GRID1: variants seen among roughly 807,000 people sequenced by gnomAD.
The protein encoded by GRID1 is glutamate receptor ionotropic, delta-1.
Under a neutral mutation model 98.0 loss-of-function variants are expected in GRID1, and 28 were observed. The ratio of observed to expected loss-of-function variants is 0.29; its 90% CI spans 0.21 to 0.39. GRID1 has a LOEUF of 0.39. Ranked by LOEUF, GRID1 falls within the 10% of genes least tolerant of loss-of-function variation. GRID1 has a pLI of 1.00. For missense variants in GRID1, 1,111 were observed against 1,340.5 expected, an observed-to-expected ratio of 0.83 and a Z score of 2.67; for synonymous variants, 553 against 538.5, an observed-to-expected ratio of 1.03 and a Z score of -0.37.
At chr10:85,756,590 G>C (rs1842100914) in intron 8 of GRID1, among the ~76,000 whole-genome samples, 2 of 152,208 alleles carry the variant, frequency 1.3e-5, no homozygotes, top group African/African-American at 4.8e-5. Context: ...TCCTAGGTAG[G>C]ATGGAGCCAG....
intron 13 of GRID1, among the ~76,000 whole-genome samples, chr10:85,641,537 T>C (rs1466421566): frequency 1.3e-5 from 2 of 152,190 alleles, no homozygotes; most frequent in Non-Finnish European, 2.9e-5. Context: ...TACCACCCCA[T>C]GGGAAGAGGC....
chr10:86,363,971 C>T lies in GRID1; in HGVS notation c.205G>A (p.Ala69Thr). 6.2e-7 allele frequency: 1 copy of T among 1,614,116 alleles called. No homozygotes were observed. The highest frequency in any genetic ancestry group is 8.5e-7 in the Non-Finnish European group (1 of 1,179,954). The change falls in exon 2 of 16, where the codon GCC becomes ACC. Residue 69 changes from alanine (A) to threonine (T), a missense_variant. By Grantham distance (58) the Ala-to-Thr change is moderately conservative. Coordinates refer to ENST00000327946, the MANE Select transcript of GRID1 (RefSeq NM_017551.3). ...KITYSIKVIEANNPFQAVQEA... is the reference protein window; with the variant it reads ...KITYSIKVIETNNPFQAVQEA... ...TGCACAGCCTGGAATGGGTTGTTGG[C>T]CTCGATGACCTTGATGGAGTAGGTG...
chr10:85,907,876 T>C (rs1250463543), intron 5 of GRID1, among the ~76,000 whole-genome samples: 5 of 152,198 alleles, frequency 3.3e-5, no homozygotes. Context: ...TGCTGTAATG[T>C]TAGAAAATCA....
chr10:85,734,345 C>A (rs148873993), intron 8 of GRID1, among the ~76,000 whole-genome samples: 3 of 152,094 alleles, frequency 2.0e-5, no homozygotes, highest in Admixed American at 6.6e-5. Context: ...AGCTTCAAAT[C>A]ATTTTAGTTA....
At chr10:86,006,865 A>C (rs1435319004) in intron 4 of GRID1, among the ~76,000 whole-genome samples, 1 of 151,616 alleles carries the variant, frequency 6.6e-6, no homozygotes, top group Admixed American at 6.6e-5. Flanking sequence ...ACTATGAACA[A>C]GAACAGACTG....
chr10:86,050,209 A>G (rs1208782121), intron 4 of GRID1, among the ~76,000 whole-genome samples: 1 of 152,256 alleles, frequency 6.6e-6, no homozygotes, highest in African/African-American at 2.4e-5. Context: ...TGTTTCTAAC[A>G]TTTAGCCACT....
At chr10:85,773,611 G>A (rs1356382985) in intron 8 of GRID1, among the ~76,000 whole-genome samples, 1 of 152,158 alleles carries the variant, frequency 6.6e-6, no homozygotes, top group Non-Finnish European at 1.5e-5. Flanking sequence ...AAGCTGATAA[G>A]CAACTTCAGC....
intron 5 of GRID1, among the ~76,000 whole-genome samples, chr10:85,907,793 A>G (rs1184137035): frequency 6.6e-6 from 1 of 152,210 alleles, no homozygotes; most frequent in African/African-American, 2.4e-5. Context: ...TGAATCAAAT[A>G]TAATCAAATA....
At position 86,206,655 on chromosome 10, in the gene GRID1, A is replaced by G; in HGVS notation, c.236-7T>C. ...TGGGTCATGAGGTCACAGGCTAGAAAGAGAGAAGAGAGAGAGGAAGGGGTC... is the reference window on the plus strand; with the variant it reads ...TGGGTCATGAGGTCACAGGCTAGAAGGAGAGAAGAGAGAGAGGAAGGGGTC... On this transcript the variant is annotated splice_region_variant and splice_polypyrimidine_tract_variant and intron_variant, in intron 2 of 15. Coordinates refer to ENST00000327946, the MANE Select transcript of GRID1 (RefSeq NM_017551.3). The surrounding 1 kb of genome is among the most constrained non-coding windows in gnomAD (Gnocchi z 4.1). 1 of 1,605,666 alleles carries G rather than the reference A, an allele frequency of 6.2e-7. No individual in the cohort carries two copies. The highest frequency in any genetic ancestry group is 8.5e-7 in the Non-Finnish European group (1 of 1,173,378).
At chr10:85,840,080 A>G (rs1842948626) in intron 8 of GRID1, among the ~76,000 whole-genome samples, 1 of 152,170 alleles carries the variant, frequency 6.6e-6, no homozygotes, top group African/African-American at 2.4e-5. Flanking sequence ...TGAACAGACT[A>G]ATAATGAGCT....
At chr10:85,623,696 G>C (rs970752127) in intron 13 of GRID1, among the ~76,000 whole-genome samples, 1 of 152,178 alleles carries the variant, frequency 6.6e-6, no homozygotes, top group African/African-American at 2.4e-5. Context: ...CCTCCTCTGT[G>C]GGTGCAACCT....
chr10:85,703,250 A>T (rs899685621), intron 12 of GRID1, among the ~76,000 whole-genome samples: 1 of 152,098 alleles, frequency 6.6e-6, no homozygotes, highest in African/African-American at 2.4e-5. Context: ...ACTACTTATT[A>T]TATTGCTCAA....
chr10:86,290,032 G>A (rs970665605), intron 2 of GRID1, among the ~76,000 whole-genome samples: 3 of 151,570 alleles, frequency 2.0e-5, no homozygotes, highest in African/African-American at 4.9e-5. Flanking sequence ...AGGCGTAACC[G>A]CTAGATCCAG....
At chr10:86,019,447 G>C (rs987137794) in intron 4 of GRID1, among the ~76,000 whole-genome samples, 2 of 152,192 alleles carry the variant, frequency 1.3e-5, no homozygotes, top group African/African-American at 4.8e-5. Flanking sequence ...GGAGGGCTTC[G>C]GGGCATGGGG....
chr10:86,206,793 C>T lies in GRID1; in HGVS notation c.236-145G>A. The stretch of plus-strand genomic sequence containing the variant: ...CTCCAGGACCAAGAACCATCCTGGG[C>T]AGGCCAGTGGCTCTCATAAGCACAG... On this transcript the variant is annotated intron_variant, in intron 2 of 15. Coordinates refer to ENST00000327946, the MANE Select transcript of GRID1 (RefSeq NM_017551.3). This position sits in a 1 kb window ranked among gnomAD's most constrained non-coding sequence, Gnocchi z 4.1. 1 of 673,574 alleles carries T rather than the reference C, an allele frequency of 1.5e-6. No individual in the cohort carries two copies. Among genetic ancestry groups the T allele is most frequent in the Non-Finnish European group, 2.5e-6 (1 of 401,210 alleles). The allele number at this position is 673,574 out of a possible 1,614,324, so 41.7% of individuals were successfully genotyped here. A position where few individuals can be genotyped will look rare whatever the true frequency, so the allele number is the denominator to read the frequency against.
Position 85,724,452 on chromosome 10 carries a change from T to C in GRID1, c.1758A>G (p.Ile586Met). 1.2e-6 allele frequency: 2 copies of C among 1,614,128 alleles called. No homozygotes were observed. Among genetic ancestry groups the C allele is most frequent in the Non-Finnish European group, 1.7e-6 (2 of 1,180,008 alleles). Residue 586 changes from isoleucine to methionine, a missense_variant, in exon 11 of 16, where the codon ATA becomes ATG. Coordinates refer to ENST00000327946, the MANE Select transcript of GRID1 (RefSeq NM_017551.3). The part of the protein sequence containing the change: ...VGVLIFVLNR[I>M]QAVRAQSAAQ... ...CAGCACTCTGAGCCCTCACAGCCTG[T>C]ATCCTGTTCAACACAAATATCAGCA...
intron 6 of GRID1, among the ~76,000 whole-genome samples, chr10:85,859,627 T>A (rs1380344101): frequency 6.6e-6 from 1 of 152,216 alleles, no homozygotes; most frequent in Non-Finnish European, 1.5e-5. Flanking sequence ...AACATCTTCT[T>A]GATCTTCCCA....
intron 8 of GRID1, among the ~76,000 whole-genome samples, chr10:85,803,130 A>G (rs117611494): frequency 0.014 from 2,104 of 152,222 alleles, 40 homozygotes; most frequent in Middle Eastern, 0.02. Flanking sequence ...GGTACAAAAC[A>G]TATAGTTAAA....
At chr10:86,277,603 G>A (rs1241645697) in intron 2 of GRID1, among the ~76,000 whole-genome samples, 1 of 152,180 alleles carries the variant, frequency 6.6e-6, no homozygotes, top group African/African-American at 2.4e-5. Context: ...TGTGTATGCT[G>A]TTGAAGTTGG....
Sources: gnomAD v4.1 joint callset for allele counts (sites outside exome capture counted in the v4.1 genomes callset) on GRCh38, gnomAD v4.1.1 for gene constraint, Gnocchi (gnomAD v3.1) non-coding constraint, MANE v1.5 for transcripts, NCBI Gene and HGNC (gene_info 2026-07-23, HGNC 2026-07-21) for gene names.